Variants in PARD6B observed in about 807,000 individuals in gnomAD.
The protein encoded by PARD6B is partitioning defective 6 homolog beta.
A neutral mutation model predicts 10.5 loss-of-function variants in PARD6B; 4 were observed. The ratio of observed to expected loss-of-function variants is 0.38; its 90% CI spans 0.19 to 0.87. PARD6B has a LOEUF of 0.87. Ranked by LOEUF, PARD6B falls within the 40% of genes least tolerant of loss-of-function variation. The pLI, the probability that PARD6B is intolerant of heterozygous loss-of-function variation, is 0.41. For synonymous variants in PARD6B, 169 were observed against 170.4 expected (o/e 0.99, Z 0.07); for missense variants, 396 against 470.6 (o/e 0.84, Z 1.47).
At position 50,749,810 on chromosome 20, in the gene PARD6B, C is replaced by T. The variant is rs763295708; in HGVS notation, c.441C>T (p.Asp147=). The change falls in exon 3 of 3, where the codon GAC becomes GAT. Residue 147 remains aspartate, a synonymous_variant. Coordinates refer to ENST00000371610, the MANE Select transcript of PARD6B (RefSeq NM_032521.3). Reference sequence around the variant, plus strand: ...TTAGACCTGTGTCTTCTATTATAGACGTGGATATTCTCCCAGAAACGCATC... The same window carrying T: ...TTAGACCTGTGTCTTCTATTATAGATGTGGATATTCTCCCAGAAACGCATC... ...QDFRPVSSII[D]VDILPETHRR... 14 of 1,613,988 alleles carry T rather than the reference C, an allele frequency of 8.7e-6. No individual in the cohort carries two copies. In the African/African-American group the frequency reaches 9.3e-5, roughly 11 times the overall value.
chr20:50,749,971 G>C lies in PARD6B; in HGVS notation c.602G>C (p.Gly201Ala), dbSNP rs2087590895. The change falls in exon 3 of 3, where the codon GGT (glycine) becomes GCT (alanine). Residue 201 changes from glycine to alanine, a missense_variant. Gly to Ala is a moderately conservative substitution (Grantham distance 60, BLOSUM62 0). Around this residue, in one of 2 missense-constraint regions of PARD6B, gnomAD observed 208 missense variants for 300.9 expected, o/e 0.69. Coordinates refer to ENST00000371610, the MANE Select transcript of PARD6B (RefSeq NM_032521.3). Reference sequence around the variant, plus strand: ...TTTATATCCAGGCTTGTCCCAGGAGGTCTGGCTCAAAGTACAGGACTATTA... The same window carrying C: ...TTTATATCCAGGCTTGTCCCAGGAGCTCTGGCTCAAAGTACAGGACTATTA... ...GIFISRLVPG[G>A]LAQSTGLLAV... is the part of the protein sequence containing the mutation. 1 of 1,614,214 alleles carries C rather than the reference G, an allele frequency of 6.2e-7. No individual in the cohort carries two copies. Among genetic ancestry groups the C allele is most frequent in the Non-Finnish European group, 8.5e-7 (1 of 1,180,046 alleles).
chr20:50,737,940 T>A lies in PARD6B; in HGVS notation c.150T>A (p.Val50=). 6.2e-7 allele frequency: 1 copy of A among 1,613,704 alleles called. No individual in the cohort carries two copies. The highest frequency in any genetic ancestry group is 8.5e-7 in the Non-Finnish European group (1 of 1,179,880). Residue 50 remains valine (V), a synonymous_variant, in exon 2 of 3, where the codon GTT becomes GTA. Transcript: ENST00000371610. ...FEEFYGLLQH[V]HKIPNVDVLV... ...AGTTTTATGGATTACTACAACATGTTCATAAGATCCCCAATGTTGACGTTT... is the reference window on the plus strand; with the variant it reads ...AGTTTTATGGATTACTACAACATGTACATAAGATCCCCAATGTTGACGTTT...
At chr20:50,749,408 A>G (rs1047044463) in intron 2 of PARD6B, among the ~76,000 whole-genome samples, 1 of 152,130 alleles carries the variant, frequency 6.6e-6, no homozygotes, top group Non-Finnish European at 1.5e-5. Context: ...TTAAAAGTGA[A>G]TGAGCTCTAT....
chr20:50,753,067 A>G lies in PARD6B; in HGVS notation c.*2579A>G, dbSNP rs2087623028. 1.3e-6 allele frequency: 1 copy of G among 787,650 alleles called. No individual in the cohort carries two copies. The highest frequency in any genetic ancestry group is 1.4e-6 in the Non-Finnish European group (1 of 692,430). 48.8% of individuals were successfully genotyped at this position (787,650 alleles called of 1,614,324 possible). A position where few individuals can be genotyped will look rare whatever the true frequency, so the allele number is the denominator to read the frequency against. ...TTAAGTAAAAATATTTTTACACACT[A>G]CCTCTCTCTTTTTTTTTTTAAAGTT... On this transcript the variant is annotated 3_prime_UTR_variant, in exon 3 of 3. Transcript: ENST00000371610.
intron 2 of PARD6B, among the ~76,000 whole-genome samples, chr20:50,746,427 G>A (rs983487045): frequency 1.3e-5 from 2 of 152,234 alleles, no homozygotes; most frequent in South Asian, 4.1e-4. Context: ...CCCATATCAT[G>A]TACTGTTGCA....
At chr20:50,748,456 C>G (rs1284124519) in intron 2 of PARD6B, among the ~76,000 whole-genome samples, 1 of 152,224 alleles carries the variant, frequency 6.6e-6, no homozygotes, top group Non-Finnish European at 1.5e-5. Flanking sequence ...CACTCAGCCT[C>G]TGATATTGGT....
At chr20:50,746,793 A>G (rs2087569853) in intron 2 of PARD6B, among the ~76,000 whole-genome samples, 1 of 152,236 alleles carries the variant, frequency 6.6e-6, no homozygotes, top group African/African-American at 2.4e-5. Flanking sequence ...AGGCAACGTA[A>G]TACTGTTCTC....
rs549731858 is a variant in PARD6B, at chr20:50,750,933, T to C, written c.*445T>C. 2 of 925,292 alleles carry C rather than the reference T, an allele frequency of 2.2e-6. No homozygotes were observed. The highest frequency in any genetic ancestry group is 1.2e-4 in the East Asian group (1 of 8,566). 57.3% of individuals were successfully genotyped at this position (925,292 alleles called of 1,614,324 possible). On this transcript the variant is annotated 3_prime_UTR_variant, in exon 3 of 3. Transcript: ENST00000371610. Reference sequence around the variant, plus strand: ...GGGACCTCAGCTCTTAAAGGTCTCATGTTCCCAATATTTTATTTTGATTTT... The same window carrying C: ...GGGACCTCAGCTCTTAAAGGTCTCACGTTCCCAATATTTTATTTTGATTTT...
chr20:50,752,606 AT>A lies in PARD6B; in HGVS notation c.*2119del. The A allele has an allele frequency of 2.0e-6, 2 of 981,816 alleles. No individual in the cohort carries two copies. Among genetic ancestry groups the A allele is most frequent in the Non-Finnish European group, 2.4e-6 (2 of 826,266 alleles). The allele number at this position is 981,816 out of a possible 1,614,324, so 60.8% of individuals were successfully genotyped here. On this transcript the variant is annotated 3_prime_UTR_variant, in exon 3 of 3. Coordinates refer to ENST00000371610, the MANE Select transcript of PARD6B (RefSeq NM_032521.3). Reference sequence around the variant, plus strand: ...ATACTATGAAGTACATAAGTTCCCTATGGCTTATGGAGAGTTATTTATTAAT... The same window carrying A: ...ATACTATGAAGTACATAAGTTCCCTAGGCTTATGGAGAGTTATTTATTAAT...
Position 50,750,860 on chromosome 20 carries a change from A to T in PARD6B, c.*372A>T. 3.0e-6 allele frequency: 3 copies of T among 996,012 alleles called. No homozygotes were observed. Among genetic ancestry groups the T allele is most frequent in the Non-Finnish European group, 3.6e-6 (3 of 837,284 alleles). The allele number at this position is 996,012 out of a possible 1,614,324, so 61.7% of individuals were successfully genotyped here. A position where few individuals can be genotyped will look rare whatever the true frequency, so the allele number is the denominator to read the frequency against. ...CCCAGTTAATTTTTCCTTTAACTGT[A>T]TTTTTAAAATTCTAATGTGAAGTCT... On this transcript the variant is annotated 3_prime_UTR_variant, in exon 3 of 3. Transcript: ENST00000371610.
At chr20:50,734,324 T>G (rs561074232) in intron 1 of PARD6B, among the ~76,000 whole-genome samples, 3 of 152,210 alleles carry the variant, frequency 2.0e-5, no homozygotes, top group Non-Finnish European at 4.4e-5. Context: ...TGCTAAGAGT[T>G]TATAACCAAA....
Position 50,751,016 on chromosome 20 carries a change from C to G in PARD6B, c.*528C>G, listed in dbSNP as rs930185990. The G allele has an allele frequency of 3.2e-6, 2 of 629,766 alleles. No homozygotes were observed. The highest frequency in any genetic ancestry group is 3.8e-6 in the Non-Finnish European group (2 of 525,218). The allele number at this position is 629,766 out of a possible 1,614,324, so 39.0% of individuals were successfully genotyped here. On this transcript the variant is annotated 3_prime_UTR_variant, in exon 3 of 3. Coordinates refer to ENST00000371610, the MANE Select transcript of PARD6B (RefSeq NM_032521.3). ...ACTGGGTCTCACTCTGTTGCCCACA[C>G]TGGAATGCAGTGGCATGATCACAGC... is the stretch of plus-strand genomic sequence containing the variant.
chr20:50,745,974 A>C (rs1311643297), intron 2 of PARD6B, among the ~76,000 whole-genome samples: 1 of 152,164 alleles, frequency 6.6e-6, no homozygotes, highest in Non-Finnish European at 1.5e-5. Context: ...CTGATCTTCA[A>C]GTGGGGCATA....
In PARD6B at chr20:50,752,331, C is replaced by CA. The variant is rs5841810; in HGVS notation, c.*1857dup. On this transcript the variant is annotated 3_prime_UTR_variant, in exon 3 of 3. Coordinates refer to ENST00000371610, the MANE Select transcript of PARD6B (RefSeq NM_032521.3). ...GGACAAACTTGTGCACTTTTTATGCCAAAAAAAAAAAAAATTGGGTTTTCC... is the reference window on the plus strand; with the variant it reads ...GGACAAACTTGTGCACTTTTTATGCCAAAAAAAAAAAAAAATTGGGTTTTCC... 9,560 of 869,044 alleles carry CA rather than the reference C, an allele frequency of 0.011. No individual in the cohort carries two copies. Among genetic ancestry groups the CA allele is most frequent in the Non-Finnish European group, 0.012 (8,789 of 726,122 alleles). 53.8% of individuals were successfully genotyped at this position (869,044 alleles called of 1,614,324 possible). A position where few individuals can be genotyped will look rare whatever the true frequency, so the allele number is the denominator to read the frequency against.
Position 50,753,371 on chromosome 20 carries a change from G to C in PARD6B, c.*2883G>C. 1 of 985,330 alleles carries C rather than the reference G, an allele frequency of 1.0e-6. No individual in the cohort carries two copies. The highest frequency in any genetic ancestry group is 1.7e-5 in the African/African-American group (1 of 57,308). 61.0% of individuals were successfully genotyped at this position (985,330 alleles called of 1,614,324 possible). ...TAAAATATCAGCTCATTGGTAGGCT[G>C]AATCAATTATTTCAAGTGCACCTTA... On this transcript the variant is annotated 3_prime_UTR_variant, in exon 3 of 3. Coordinates refer to ENST00000371610, the MANE Select transcript of PARD6B (RefSeq NM_032521.3).
intron 2 of PARD6B, among the ~76,000 whole-genome samples, chr20:50,747,363 T>G (rs2087572926): frequency 6.6e-6 from 1 of 152,118 alleles, no homozygotes; most frequent in African/African-American, 2.4e-5. Flanking sequence ...AAACGCAAGA[T>G]GGTGAGATTG....
rs1003525649 is a variant in PARD6B, at chr20:50,750,749, G to C, written c.*261G>C. ...TTGCTGTTTTGTCTGTGGAGAATCA[G>C]ATGTTAAAGCACATTCTTGGAACTA... is the stretch of plus-strand genomic sequence containing the variant. On this transcript the variant is annotated 3_prime_UTR_variant, in exon 3 of 3. Coordinates refer to ENST00000371610, the MANE Select transcript of PARD6B (RefSeq NM_032521.3). 4.1e-6 allele frequency: 5 copies of C among 1,230,448 alleles called. No homozygotes were observed. The African/African-American group carries it at 7.7e-5, about 19-fold the overall frequency. 76.2% of individuals were successfully genotyped at this position (1,230,448 alleles called of 1,614,324 possible).
chr20:50,741,189 G>A (rs760991509), intron 2 of PARD6B, among the ~76,000 whole-genome samples: 5 of 152,096 alleles, frequency 3.3e-5, no homozygotes, highest in Non-Finnish European at 5.9e-5. Context: ...TCGAACTCCT[G>A]ACCTCAGGTG....
Position 50,750,953 on chromosome 20 carries a change from G to C in PARD6B, c.*465G>C. ...TCTCATGTTCCCAATATTTTATTTT[G>C]ATTTTTTTTTTTTTTTTTTTTTTTT... On this transcript the variant is annotated 3_prime_UTR_variant, in exon 3 of 3. Transcript: ENST00000371610. 4.7e-6 allele frequency: 1 copy of C among 211,082 alleles called. No homozygotes were observed. Among genetic ancestry groups the C allele is most frequent in the Non-Finnish European group, 5.8e-6 (1 of 172,238 alleles). The allele number at this position is 211,082 out of a possible 1,614,324, so 13.1% of individuals were successfully genotyped here.
Sources: gnomAD v4.1 joint callset for allele counts (sites outside exome capture counted in the v4.1 genomes callset) on GRCh38, gnomAD v4.1.1 for gene constraint, gnomAD v4.1.1 regional missense constraint, MANE v1.5 for transcripts, NCBI Gene and HGNC (gene_info 2026-07-23, HGNC 2026-07-21) for gene names.